Variants in NELL1 observed in about 807,000 individuals in gnomAD.
The protein encoded by NELL1 is protein kinase C-binding protein NELL1.
Under a neutral mutation model 107.4 loss-of-function variants are expected in NELL1, and 76 were observed. The observed-to-expected ratio is 0.71, with a 90% confidence interval of 0.59 to 0.86. NELL1 has a LOEUF of 0.86. NELL1 is among the 40% of genes least tolerant of loss of function. NELL1 has a pLI of 0.00. For missense variants in NELL1, 1,024 were observed against 1,005.5 expected, an observed-to-expected ratio of 1.02 and a Z score of -0.25; for synonymous variants, 353 against 341.2, an observed-to-expected ratio of 1.03 and a Z score of -0.38.
At chr11:21,305,249 G>A (rs1222755347) in intron 14 of NELL1, among the ~76,000 whole-genome samples, 2 of 152,134 alleles carry the variant, frequency 1.3e-5, no homozygotes, top group South Asian at 2.1e-4. Context: ...GAAATAAGAA[G>A]TGATATTGTA....
chr11:21,096,705 C>A (rs1047505309), intron 12 of NELL1, among the ~76,000 whole-genome samples: 1 of 152,000 alleles, frequency 6.6e-6, no homozygotes, highest in African/African-American at 2.4e-5. Context: ...TCACTCCATA[C>A]CACTTCCATA....
intron 2 of NELL1, among the ~76,000 whole-genome samples, chr11:20,722,371 C>T (rs144673029): frequency 3.6e-4 from 55 of 152,256 alleles, no homozygotes; most frequent in African/African-American, 1.2e-3. Context: ...TCATCCACCT[C>T]ACAGTAATAT....
At chr11:20,988,858 G>T (rs1851910889) in intron 12 of NELL1, among the ~76,000 whole-genome samples, 1 of 152,102 alleles carries the variant, frequency 6.6e-6, no homozygotes, top group Non-Finnish European at 1.5e-5. Flanking sequence ...AAAGTGCTGA[G>T]ATTATAGGTA....
At chr11:20,679,403 A>G (rs1459512323) in intron 2 of NELL1, among the ~76,000 whole-genome samples, 2 of 152,198 alleles carry the variant, frequency 1.3e-5, no homozygotes, top group Non-Finnish European at 2.9e-5. Flanking sequence ...TTATTTTAGC[A>G]TGGCTGAACC....
intron 16 of NELL1, among the ~76,000 whole-genome samples, chr11:21,549,902 A>C (rs1856534117): frequency 6.6e-6 from 1 of 151,718 alleles, no homozygotes; most frequent in Non-Finnish European, 1.5e-5. Context: ...TGGGTGTTTT[A>C]GAGGGTGAAT....
chr11:20,923,688 C>T (rs1415231897), intron 7 of NELL1, among the ~76,000 whole-genome samples: 1 of 152,124 alleles, frequency 6.6e-6, no homozygotes, highest in Non-Finnish European at 1.5e-5. Flanking sequence ...CTGGGACTTT[C>T]TTGATTACTT....
At chr11:21,082,681 A>G (rs1854297431) in intron 12 of NELL1, among the ~76,000 whole-genome samples, 1 of 152,084 alleles carries the variant, frequency 6.6e-6, no homozygotes, top group Admixed American at 6.6e-5. Context: ...TCTCAGACTT[A>G]TCTCTGTCTA....
chr11:20,786,034 A>ATTTT (rs758634001), intron 3 of NELL1, among the ~76,000 whole-genome samples: 1,695 of 104,092 alleles, frequency 0.016, 17 homozygotes, highest in Admixed American at 0.039. Context: ...AAAACTTCAG[A>ATTTT]ATTTTTTTTT....
At chr11:20,878,355 T>C (rs111303342) in intron 4 of NELL1, among the ~76,000 whole-genome samples, 1,262 of 16,968 alleles carry the variant, frequency 0.074, 23 homozygotes, top group African/African-American at 0.12. Context: ...AGAGACCCCG[T>C]CTCAAAAAAA....
intron 16 of NELL1, among the ~76,000 whole-genome samples, chr11:21,555,327 G>GA (rs1554934117): frequency 4.6e-5 from 7 of 151,874 alleles, no homozygotes; most frequent in Non-Finnish European, 8.8e-5. Context: ...TTAAGCAAGG[G>GA]TGATGATTTT....
chr11:21,051,964 G>A (rs1853503816), intron 12 of NELL1, among the ~76,000 whole-genome samples: 1 of 152,032 alleles, frequency 6.6e-6, no homozygotes, highest in Non-Finnish European at 1.5e-5. Flanking sequence ...TGACAAGTGT[G>A]GATGAGAAAA....
chr11:21,285,938 T>A (rs1483410883), intron 14 of NELL1, among the ~76,000 whole-genome samples: 1 of 152,194 alleles, frequency 6.6e-6, no homozygotes, highest in Admixed American at 6.5e-5. Flanking sequence ...ATTAGGAAAT[T>A]AAAAACACAA....
chr11:20,893,928 C>T (rs1203868428), intron 5 of NELL1, among the ~76,000 whole-genome samples: 2 of 150,146 alleles, frequency 1.3e-5, no homozygotes, highest in Non-Finnish European at 3.0e-5. Context: ...TTTCAAACTG[C>T]AAGGCCAAAA....
intron 13 of NELL1, among the ~76,000 whole-genome samples, chr11:21,128,581 A>T (rs1437540752): frequency 6.6e-6 from 1 of 152,158 alleles, no homozygotes; most frequent in African/African-American, 2.4e-5. Context: ...ATTTTTTCTC[A>T]TTAGGAGAGC....
At chr11:21,052,850 C>T (rs1039750475) in intron 12 of NELL1, among the ~76,000 whole-genome samples, 14 of 151,844 alleles carry the variant, frequency 9.2e-5, no homozygotes, top group African/African-American at 2.4e-4. Flanking sequence ...GTGGGTGAGT[C>T]GAGGGAGTGG....
chr11:21,365,936 T>G (rs1267383241), intron 14 of NELL1, among the ~76,000 whole-genome samples: 2 of 152,230 alleles, frequency 1.3e-5, no homozygotes, highest in South Asian at 2.1e-4. Flanking sequence ...TATTGACATT[T>G]TGGGCCAGAT....
intron 15 of NELL1, among the ~76,000 whole-genome samples, chr11:21,455,652 G>T (rs1394079056): frequency 6.6e-6 from 1 of 151,890 alleles, no homozygotes; most frequent in East Asian, 1.9e-4. Context: ...AGATTATTTT[G>T]TTAATCCCTG....
At chr11:21,193,455 G>A (rs1350747297) in intron 13 of NELL1, among the ~76,000 whole-genome samples, 2 of 151,694 alleles carry the variant, frequency 1.3e-5, no homozygotes, top group Non-Finnish European at 1.5e-5. Context: ...TTTTGTCACT[G>A]GCATCTTGAA....
At chr11:21,532,440 G>GC (rs1194390044) in intron 15 of NELL1, among the ~76,000 whole-genome samples, 1 of 152,162 alleles carries the variant, frequency 6.6e-6, no homozygotes, top group Non-Finnish European at 1.5e-5. Flanking sequence ...TACTTTATTT[G>GC]ATCAGATAAT....
Sources: gnomAD v4.1 joint callset for allele counts (sites outside exome capture counted in the v4.1 genomes callset) on GRCh38, gnomAD v4.1.1 for gene constraint, MANE v1.5 for transcripts, NCBI Gene and HGNC (gene_info 2026-07-23, HGNC 2026-07-21) for gene names.